Variants in SPMIP4 observed in about 807,000 individuals in gnomAD.
The protein encoded by SPMIP4 is sperm-associated microtubule inner protein 4.
chr7:25,142,048 TCTTG>T, the SPMIP4 span, among the ~76,000 whole-genome samples: 2 of 152,168 alleles, frequency 1.3e-5, no homozygotes, highest in African/African-American at 4.8e-5. Flanking sequence ...AGAAAAGAAA[TCTTG>T]CTTGTTTTCC....
chr7:25,179,388 A>G, the SPMIP4 span: 2 of 1,481,184 alleles, frequency 1.4e-6, no homozygotes, highest in Middle Eastern at 1.9e-4. Context: ...GGCAGAAAAC[A>G]CATTTTACAC....
At chr7:25,130,373 C>T in the SPMIP4 span, among the ~76,000 whole-genome samples, 3 of 142,578 alleles carry the variant, frequency 2.1e-5, no homozygotes, top group Non-Finnish European at 4.5e-5. Context: ...AGTACAATTG[C>T]GCGATCTCGG....
the SPMIP4 span, among the ~76,000 whole-genome samples, chr7:25,165,514 A>G: frequency 6.6e-6 from 1 of 152,164 alleles, no homozygotes; most frequent in East Asian, 1.9e-4. Flanking sequence ...GTGCAATGGC[A>G]CAATCTTGGC....
At chr7:25,130,258 A>C in the SPMIP4 span, among the ~76,000 whole-genome samples, 1 of 99,690 alleles carries the variant, frequency 1.0e-5, no homozygotes, top group Non-Finnish European at 2.0e-5. Context: ...AAAAACAAAA[A>C]AGAAAGAAAA....
At chr7:25,171,452 C>A in the SPMIP4 span, among the ~76,000 whole-genome samples, 1 of 152,150 alleles carries the variant, frequency 6.6e-6, no homozygotes, top group Admixed American at 6.5e-5. Flanking sequence ...TACAAAAACA[C>A]CTGCAAATGC....
At chr7:25,180,308 A>C in the SPMIP4 span, 1 of 152,312 alleles carries the variant, frequency 6.6e-6, no homozygotes, top group African/African-American at 2.4e-5. Context: ...AGAGGAACCG[A>C]GAGTGAACGG....
chr7:25,156,277 TCA>T, the SPMIP4 span, among the ~76,000 whole-genome samples: 4 of 152,060 alleles, frequency 2.6e-5, no homozygotes, highest in African/African-American at 9.7e-5. Flanking sequence ...AGAGTCTCTA[TCA>T]CAGTCCTCAG....
chr7:25,135,539 A>T, the SPMIP4 span: 1 of 977,580 alleles, frequency 1.0e-6, no homozygotes, highest in Non-Finnish European at 1.2e-6. Flanking sequence ...AAATTTACAT[A>T]AAGGGACAGT....
the SPMIP4 span, among the ~76,000 whole-genome samples, chr7:25,137,844 A>G: frequency 7.8e-3 from 1,182 of 152,260 alleles, 6 homozygotes; most frequent in Non-Finnish European, 0.014. Context: ...CAACTTCAAC[A>G]AAAGAGATTA....
the SPMIP4 span, among the ~76,000 whole-genome samples, chr7:25,176,689 T>C: frequency 2.0e-5 from 3 of 152,248 alleles, no homozygotes; most frequent in Non-Finnish European, 1.5e-5. The surrounding 1 kb of genome is among the most constrained non-coding windows in gnomAD (Gnocchi z 4.4). Context: ...AAAGGAAATA[T>C]AGAGGGCTTC....
chr7:25,161,290 A>C, the SPMIP4 span: 1 of 1,245,406 alleles, frequency 8.0e-7, no homozygotes, highest in Non-Finnish European at 1.1e-6. Flanking sequence ...TAAATTAAAC[A>C]TGTTTTAAAA....
chr7:25,127,461 A>G, the SPMIP4 span, among the ~76,000 whole-genome samples: 1 of 152,142 alleles, frequency 6.6e-6, no homozygotes, highest in Non-Finnish European at 1.5e-5. Flanking sequence ...TGTTTGATCA[A>G]TTCTGCCTGT....
the SPMIP4 span, chr7:25,142,578 T>C: frequency 3.7e-5 from 51 of 1,386,624 alleles, no homozygotes; most frequent in Non-Finnish European, 4.8e-5. Flanking sequence ...AAGCTTGTCA[T>C]AGCATTTGTT....
the SPMIP4 span, chr7:25,134,952 G>GA: frequency 5.1e-6 from 5 of 985,252 alleles, no homozygotes; most frequent in Non-Finnish European, 6.0e-6. Flanking sequence ...AATGCAGTTG[G>GA]AAAAAAATTC....
At chr7:25,129,134 C>T in the SPMIP4 span, among the ~76,000 whole-genome samples, 35 of 152,228 alleles carry the variant, frequency 2.3e-4, no homozygotes, top group African/African-American at 8.2e-4. Context: ...CCCTTGGCCT[C>T]CCTGGCTAGC....
the SPMIP4 span, among the ~76,000 whole-genome samples, chr7:25,159,070 A>G: frequency 3.3e-5 from 5 of 152,168 alleles, no homozygotes; most frequent in Admixed American, 3.3e-4. Flanking sequence ...GATACAAGGG[A>G]TGACTACTTC....
the SPMIP4 span, among the ~76,000 whole-genome samples, chr7:25,175,984 T>G: frequency 1.3e-5 from 2 of 152,202 alleles, no homozygotes; most frequent in Admixed American, 6.5e-5. Flanking sequence ...AATCTGGTGA[T>G]TGTGAAAGGA....
the SPMIP4 span, among the ~76,000 whole-genome samples, chr7:25,158,273 T>G: frequency 6.9e-6 from 1 of 144,500 alleles, no homozygotes; most frequent in African/African-American, 2.6e-5. Context: ...GAGGTGAAGG[T>G]GGAAGGATCA....
chr7:25,139,796 T>G, the SPMIP4 span, among the ~76,000 whole-genome samples: 1 of 152,220 alleles, frequency 6.6e-6, no homozygotes, highest in Non-Finnish European at 1.5e-5. Context: ...CAGTTTTTAG[T>G]GCTTTTATTT....
Sources: allele counts gnomAD v4.1 joint callset (sites outside exome capture counted in the v4.1 genomes callset), GRCh38; gene constraint gnomAD v4.1.1; non-coding constraint Gnocchi (gnomAD v3.1); transcripts MANE v1.5; gene names NCBI Gene and HGNC (gene_info 2026-07-23, HGNC 2026-07-21).